ERICH6: variants seen among roughly 807,000 people sequenced by gnomAD.
The protein encoded by ERICH6 is glutamate-rich protein 6.
Under a neutral mutation model 71.0 loss-of-function variants are expected in ERICH6, and 71 were observed. The ratio of observed to expected loss-of-function variants is 1.00; its 90% CI spans 0.83 to 1.22. ERICH6 has a LOEUF of 1.22. Ranked by LOEUF, ERICH6 falls within the 50% of genes most tolerant of loss-of-function variation. The probability of loss-of-function intolerance (pLI) is 0.00; values close to 1 mark genes in which losing one functional copy is unlikely to be tolerated. For synonymous variants in ERICH6, 262 were observed against 278.4 expected, an observed-to-expected ratio of 0.94 and a Z score of 0.59; for missense variants, 808 against 797.2, an observed-to-expected ratio of 1.01 and a Z score of -0.16.
intron 12 of ERICH6, among the ~76,000 whole-genome samples, 173 bp downstream of exon 12, chr3:150,669,123 A>C (rs920203223): frequency 2.0e-5 from 3 of 152,228 alleles, no homozygotes; most frequent in Non-Finnish European, 4.4e-5. Context: ...TTTTCCACTG[A>C]AAAGCATACG....
rs1168796356 is a variant in ERICH6, at chr3:150,680,916, A to C, written c.897T>G (p.Ile299Met). The change falls in exon 8 of 14, where the codon ATT becomes ATG. Residue 299 changes from isoleucine (I) to methionine (M), a missense_variant. Ile to Met is a conservative substitution (Grantham distance 10, BLOSUM62 1). Coordinates refer to ENST00000295910, the MANE Select transcript of ERICH6 (RefSeq NM_152394.5). ...TATAGTCAATCAGATTTTGGAAAGC[A>C]ATACAACAGGAGGCCTGGAAAACAC... ...SEPKGHASCC[I>M]AFQNLIDYIY... 2 of 1,611,224 alleles carry C rather than the reference A, an allele frequency of 1.2e-6. No individual in the cohort carries two copies. Among genetic ancestry groups the C allele is most frequent in the Admixed American group, 1.7e-5 (1 of 59,240 alleles).
intron 1 of ERICH6, among the ~76,000 whole-genome samples, chr3:150,702,821 GT>G (rs71138466): frequency 2.2e-4 from 30 of 135,948 alleles, no homozygotes; most frequent in African/African-American, 5.9e-4. Context: ...AAAGAGAGTT[GT>G]TTTTTTTTTT....
intron 10 of ERICH6, among the ~76,000 whole-genome samples, chr3:150,674,612 A>T (rs1477696039): frequency 6.6e-6 from 1 of 152,112 alleles, no homozygotes; most frequent in Non-Finnish European, 1.5e-5. Flanking sequence ...ACTTGTCAAG[A>T]CTTCCCTTCC....
chr3:150,680,734 C>T (rs375884193), intron 8 of ERICH6, 39 bp downstream of exon 8: 85 of 1,576,626 alleles, frequency 5.4e-5, no homozygotes, highest in Admixed American at 2.7e-4. Context: ...CCGATTAAGC[C>T]GGCCTGTATG....
At chr3:150,691,553 C>T (rs1170097362) in intron 3 of ERICH6, among the ~76,000 whole-genome samples, 1 of 152,010 alleles carries the variant, frequency 6.6e-6, no homozygotes, top group Non-Finnish European at 1.5e-5. Flanking sequence ...AGTAGAATGA[C>T]TGGTTGTTTA....
intron 6 of ERICH6, among the ~76,000 whole-genome samples, chr3:150,685,248 G>A (rs933330458): frequency 6.6e-6 from 1 of 152,192 alleles, no homozygotes; most frequent in Non-Finnish European, 1.5e-5. Context: ...AATACAGTCT[G>A]TGCAAATGTA....
intron 10 of ERICH6, among the ~76,000 whole-genome samples, chr3:150,674,903 C>A (rs1360777262): frequency 6.6e-6 from 1 of 151,926 alleles, no homozygotes; most frequent in Non-Finnish European, 1.5e-5. Context: ...GAGGCTGAGG[C>A]AGGTGGATCA....
At chr3:150,671,904 A>G (rs1490645721) in intron 11 of ERICH6, among the ~76,000 whole-genome samples, 1 of 152,210 alleles carries the variant, frequency 6.6e-6, no homozygotes, top group East Asian at 1.9e-4. Flanking sequence ...GGCTGGGATT[A>G]TAGGCATGGG....
chr3:150,683,823 G>A (rs1712064688), intron 6 of ERICH6, among the ~76,000 whole-genome samples: 1 of 152,156 alleles, frequency 6.6e-6, no homozygotes. Flanking sequence ...CACCTGAAGA[G>A]GGTGTGGCTA....
chr3:150,703,452 G>A (rs1713016697), intron 1 of ERICH6, 44 bp downstream of exon 1: 1 of 1,515,694 alleles, frequency 6.6e-7, no homozygotes, highest in Non-Finnish European at 8.8e-7. Context: ...GGTGCCCCCT[G>A]GAGACGAGAA....
chr3:150,669,216 T>A (rs1212460121), intron 12 of ERICH6, 80 bp downstream of exon 12: 14 of 1,415,398 alleles, frequency 9.9e-6, no homozygotes, highest in Non-Finnish European at 1.3e-5. Context: ...TGAAACCCAT[T>A]CTTATCATTT....
At chr3:150,698,949 A>G (rs1013826768) in intron 2 of ERICH6, 67 bp from the exon 3 acceptor site, 98 of 910,150 alleles carry the variant, frequency 1.1e-4, no homozygotes, top group Non-Finnish European at 1.6e-4. Context: ...TAAACATCGA[A>G]CATTTAATAA....
chr3:150,674,042 C>T lies in ERICH6; in HGVS notation c.1258-1G>A, dbSNP rs530487741. 4 of 1,612,082 alleles carry T rather than the reference C, an allele frequency of 2.5e-6. No individual in the cohort carries two copies. Among genetic ancestry groups the T allele is most frequent in the South Asian group, 1.1e-5 (1 of 90,662 alleles). ...TCTCTAAGAGCTCATTCCTGACAACCTATACACCACAGAAAAGAAAAGACA... is the reference window on the plus strand; with the variant it reads ...TCTCTAAGAGCTCATTCCTGACAACTTATACACCACAGAAAAGAAAAGACA... On this transcript the variant is annotated splice_acceptor_variant, in intron 10 of 13. Transcript: ENST00000295910. LOFTEE classifies it high-confidence loss of function.
In ERICH6 at chr3:150,667,013, AC is replaced by A. The variant is rs1162042947; in HGVS notation, c.1501del (p.Val501TyrfsTer18). The A allele has an allele frequency of 6.2e-7, 1 of 1,611,968 alleles. No homozygotes were observed. The highest frequency in any genetic ancestry group is 1.3e-5 in the African/African-American group (1 of 74,920). On this transcript the variant is annotated frameshift_variant and splice_region_variant, in exon 13 of 14. Transcript: ENST00000295910. LOFTEE classifies it high-confidence loss of function. ...TTGACCTCCCAAGATATTGATGTAT[AC>A]CCTGGTCAGGAAGGAAATGTAAATA... ...SCYHPNGNVW[V>X]YINILGGQYS...
rs367570666 is a variant in ERICH6 at position 150,703,861 on chromosome 3, G to A, written c.38C>T (p.Pro13Leu). Residue 13 changes from proline (P) to leucine (L), a missense_variant, in exon 1 of 14, where the codon CCG (proline) becomes CTG (leucine). Pro to Leu is a moderately conservative substitution (Grantham distance 98). This residue lies in a region of ERICH6 where 53 missense variants were observed against 40.6 expected (regional missense o/e 1.30). Coordinates refer to ENST00000295910, the MANE Select transcript of ERICH6 (RefSeq NM_152394.5). ...TGACTCCTTCTGGTCCTTCTTCCCC[G>A]GGTCTCCGAAGCCGCTAGGCGAGCG... is the stretch of plus-strand genomic sequence containing the variant. ...HLRSPSGFGDPGKKDQKESEE... is the reference protein window; with the variant it reads ...HLRSPSGFGDLGKKDQKESEE... 30 of 1,609,966 alleles carry A rather than the reference G, an allele frequency of 1.9e-5. No individual in the cohort carries two copies. Among genetic ancestry groups the A allele is most frequent in the African/African-American group, 2.7e-5 (2 of 74,154 alleles).
rs563416330 is a variant in ERICH6 at position 150,692,243 on chromosome 3, T to C, written c.554-5889A>G. 9.2e-5 allele frequency among the ~76,000 whole-genome samples: 14 copies of C among 152,284 alleles called. No homozygotes were observed. The South Asian group carries it at 2.9e-3, about 32-fold the overall frequency. ...ATAAAATTTTGAAAAACAAATTTAATTGGCTTCATGCTGTATTTATTAGGG... is the reference window on the plus strand; with the variant it reads ...ATAAAATTTTGAAAAACAAATTTAACTGGCTTCATGCTGTATTTATTAGGG... On this transcript the variant is annotated intron_variant, in intron 3 of 13. Transcript: ENST00000295910.
At chr3:150,689,676 GT>G (rs141707303) in intron 3 of ERICH6, among the ~76,000 whole-genome samples, 14 of 152,024 alleles carry the variant, frequency 9.2e-5, no homozygotes, top group Admixed American at 2.0e-4. Flanking sequence ...TTGAGCAAAA[GT>G]TTTTTTCTTC....
At chr3:150,660,260 G>A (rs891266336) in intron 13 of ERICH6, 105 bp from the exon 14 acceptor site, 99 of 1,282,278 alleles carry the variant, frequency 7.7e-5, no homozygotes, top group Non-Finnish European at 9.2e-5. Flanking sequence ...ATTCCCTGAT[G>A]AGGGTCCACT....
intron 3 of ERICH6, among the ~76,000 whole-genome samples, chr3:150,695,378 G>C (rs981726584): frequency 1.3e-5 from 2 of 152,136 alleles, no homozygotes; most frequent in African/African-American, 4.8e-5. Flanking sequence ...CTCGCCGGCT[G>C]TAGTGGCTCA....
Sources: gnomAD v4.1 joint callset for allele counts (sites outside exome capture counted in the v4.1 genomes callset) on GRCh38, gnomAD v4.1.1 for gene constraint, gnomAD v4.1.1 regional missense constraint, MANE v1.5 for transcripts, NCBI Gene and HGNC (gene_info 2026-07-23, HGNC 2026-07-21) for gene names.